The following FBXO21 variants were observed in gnomAD, a reference collection of about 807,000 sequenced individuals.
The protein encoded by FBXO21 is F-box protein 21.
FBXO21 carries 32 observed loss-of-function variants against 76.6 expected under a neutral mutation model. The observed-to-expected ratio is 0.42, with a 90% CI of 0.32 to 0.56. The LOEUF is 0.56. FBXO21 is among the 20% of genes least tolerant of loss of function. The probability of loss-of-function intolerance (pLI) is 0.16; values close to 1 mark genes in which losing one functional copy is unlikely to be tolerated. For missense variants in FBXO21, 586 were observed against 797.3 expected (o/e 0.73, Z 3.19); for synonymous variants, 328 against 311.5 (o/e 1.05, Z -0.56).
Position 117,145,932 on chromosome 12 carries a change from G to A in FBXO21, c.*155C>T. The A allele has an allele frequency of 5.6e-6, 3 of 534,370 alleles. No individual in the cohort carries two copies. Among genetic ancestry groups the A allele is most frequent in the Non-Finnish European group, 9.8e-6 (3 of 306,822 alleles). 33.1% of individuals were successfully genotyped at this position (534,370 alleles called of 1,614,324 possible). On this transcript the variant is annotated 3_prime_UTR_variant, in exon 12 of 12. Transcript: ENST00000622495. Reference sequence around the variant, plus strand: ...TCTTTGCAGCTGGGGAAGAGCACACGGTATTTAAACTTAGTAGGAGGCAAC... The same window carrying A: ...TCTTTGCAGCTGGGGAAGAGCACACAGTATTTAAACTTAGTAGGAGGCAAC...
At chr12:117,184,721 G>T (rs1413991751) in intron 3 of FBXO21, among the ~76,000 whole-genome samples, 2 of 152,114 alleles carry the variant, frequency 1.3e-5, no homozygotes, top group African/African-American at 4.8e-5. Context: ...ACTCCAGCCT[G>T]GGCTACAAGA....
intron 8 of FBXO21, 94 bp downstream of exon 8, chr12:117,166,804 C>A: frequency 1.9e-6 from 2 of 1,058,678 alleles, no homozygotes; most frequent in Non-Finnish European, 2.8e-6. Context: ...CTGCAAAGAT[C>A]TCAACGAAAA....
At chr12:117,189,201 T>A (rs767769768) in intron 2 of FBXO21, 26 bp downstream of exon 2, 2 of 1,614,110 alleles carry the variant, frequency 1.2e-6, no homozygotes, top group East Asian at 4.5e-5. Context: ...AAGCCAAAGC[T>A]TAGAGCCACA....
At chr12:117,150,527 A>G (rs1047491399) in intron 11 of FBXO21, among the ~76,000 whole-genome samples, 7 of 152,230 alleles carry the variant, frequency 4.6e-5, no homozygotes, top group African/African-American at 1.7e-4. Flanking sequence ...GTGTGTACTT[A>G]AACAAAACGT....
rs762855715 is a variant in FBXO21, at chr12:117,177,490, T to C, written c.592+30A>G. 52 of 1,596,944 alleles carry C rather than the reference T, an allele frequency of 3.3e-5. 1 individual carries two copies. Among genetic ancestry groups the C allele is most frequent in the African/African-American group, 4.0e-5 (3 of 74,278 alleles). ...ACTAATCAGTTACCTACAGAAATACTACTGTCCACATATATGGGAAAAGAC... is the reference window on the plus strand; with the variant it reads ...ACTAATCAGTTACCTACAGAAATACCACTGTCCACATATATGGGAAAAGAC... On this transcript the variant is annotated intron_variant, in intron 4 of 11. Transcript: ENST00000622495.
At chr12:117,189,190 C>T (rs1956319608) in intron 2 of FBXO21, 37 bp downstream of exon 2, 1 of 1,613,774 alleles carries the variant, frequency 6.2e-7, no homozygotes. Flanking sequence ...CATACACCAG[C>T]AAGCCAAAGC....
chr12:117,173,827 G>A (rs918262003), intron 6 of FBXO21, among the ~76,000 whole-genome samples: 2 of 152,072 alleles, frequency 1.3e-5, no homozygotes, highest in African/African-American at 4.8e-5. Context: ...AAGAATGTAC[G>A]GTCCATCAGA....
intron 6 of FBXO21, 84 bp downstream of exon 6, chr12:117,174,121 A>G (rs1320851538): frequency 1.8e-6 from 2 of 1,133,684 alleles, no homozygotes; most frequent in Non-Finnish European, 1.3e-6. Context: ...TGAGCAACAG[A>G]GCGAGACCCT....
chr12:117,150,209 A>G (rs766581417), intron 11 of FBXO21, among the ~76,000 whole-genome samples: 6 of 152,272 alleles, frequency 3.9e-5, no homozygotes, highest in Non-Finnish European at 7.3e-5. Context: ...AACTTAATTG[A>G]GTAAAACATG....
At chr12:117,154,556 T>C (rs1298424975) in intron 11 of FBXO21, among the ~76,000 whole-genome samples, 1 of 152,150 alleles carries the variant, frequency 6.6e-6, no homozygotes, top group African/African-American at 2.4e-5. Context: ...TGGCTAATTT[T>C]TAAATTTTTT....
intron 8 of FBXO21, among the ~76,000 whole-genome samples, chr12:117,166,151 T>C (rs1452634098): frequency 1.3e-5 from 2 of 148,474 alleles, no homozygotes; most frequent in Non-Finnish European, 3.0e-5. Flanking sequence ...GATCACGCCA[T>C]TGCACTCCAG....
At chr12:117,159,111 C>T (rs1955948677) in intron 9 of FBXO21, among the ~76,000 whole-genome samples, 1 of 152,132 alleles carries the variant, frequency 6.6e-6, no homozygotes, top group South Asian at 2.1e-4. Flanking sequence ...GTGAGCCTGT[C>T]AAAGTATTGT....
chr12:117,190,165 CG>C, intron 1 of FBXO21, 52 bp downstream of exon 1: 21 of 1,057,516 alleles, frequency 2.0e-5, no homozygotes, highest in Non-Finnish European at 2.3e-5. Context: ...TGCCCGGCCC[CG>C]GGGGGCGCGG....
intron 7 of FBXO21, among the ~76,000 whole-genome samples, chr12:117,170,060 CCAAACTGTATCTAGATA>C (rs912698069): frequency 1.5e-4 from 22 of 147,240 alleles, no homozygotes; most frequent in African/African-American, 5.0e-4. Flanking sequence ...CACTGAAGAT[CCAAACTGTATCTAGATA>C]GCAACCACAT....
chr12:117,148,600 C>G (rs979688968), intron 11 of FBXO21, among the ~76,000 whole-genome samples: 1 of 152,258 alleles, frequency 6.6e-6, no homozygotes, highest in Non-Finnish European at 1.5e-5. Context: ...CCAGACCCCA[C>G]AGCGGTGTCA....
At chr12:117,182,761 C>A (rs902441860) in intron 3 of FBXO21, among the ~76,000 whole-genome samples, 1 of 151,552 alleles carries the variant, frequency 6.6e-6, no homozygotes, top group Non-Finnish European at 1.5e-5. Context: ...CAGGGTTTTA[C>A]CATGTTGGAC....
intron 4 of FBXO21, among the ~76,000 whole-genome samples, chr12:117,176,787 A>T (rs999202777): frequency 5.9e-5 from 9 of 152,068 alleles, no homozygotes; most frequent in South Asian, 2.1e-4. Context: ...CATTTTTTTT[A>T]AAAAAAGGAA....
At chr12:117,167,946 C>T (rs951308080) in intron 7 of FBXO21, among the ~76,000 whole-genome samples, 1 of 152,148 alleles carries the variant, frequency 6.6e-6, no homozygotes, top group African/African-American at 2.4e-5. Context: ...GTGACCTGCA[C>T]TCGAACTGCA....
chr12:117,165,670 ACT>A (rs1000603792), intron 8 of FBXO21, 53 bp from the exon 9 acceptor site: 81 of 1,499,716 alleles, frequency 5.4e-5, no homozygotes, highest in Non-Finnish European at 6.8e-5. Flanking sequence ...TTCAGCAAAG[ACT>A]CTCTTTTTCA....
Sources: gnomAD v4.1 joint callset for allele counts (sites outside exome capture counted in the v4.1 genomes callset) on GRCh38, gnomAD v4.1.1 for gene constraint, MANE v1.5 for transcripts, NCBI Gene and HGNC (gene_info 2026-07-23, HGNC 2026-07-21) for gene names.